The following SYNJ2 variants were observed in gnomAD, a reference collection of about 807,000 sequenced individuals.
SYNJ2 encodes the protein polyphosphatidylinositol phosphatase SYNJ2.
SYNJ2 carries 116 observed loss-of-function variants against 141.3 expected under a neutral mutation model. That is an observed-to-expected ratio of 0.82 (90% CI 0.71 to 0.96). The LOEUF (loss-of-function observed/expected upper bound fraction) is 0.96. SYNJ2 is among the 40% of genes least tolerant of loss of function. The pLI, the probability that SYNJ2 is intolerant of heterozygous loss-of-function variation, is 0.00. For missense variants in SYNJ2, 1,873 were observed against 1,934.8 expected (o/e 0.97, Z 0.60); for synonymous variants, 745 against 777.7 (o/e 0.96, Z 0.70).
At chr6:158,080,679 A>T (rs1484537006) in intron 18 of SYNJ2, among the ~76,000 whole-genome samples, 1 of 152,168 alleles carries the variant, frequency 6.6e-6, no homozygotes, top group African/African-American at 2.4e-5. Flanking sequence ...TAACCCTCTG[A>T]AAAGCTTGCA....
At position 158,066,608 on chromosome 6, in the gene SYNJ2, C is replaced by T. The variant is rs1781582351; in HGVS notation, c.1690C>T (p.Gln564Ter). Residue 564 changes from glutamine to a stop codon, truncating the protein, a stop_gained, in exon 12 of 27, where the codon CAG becomes TAG. Coordinates refer to ENST00000355585, the MANE Select transcript of SYNJ2 (RefSeq NM_003898.4). LOFTEE classifies it high-confidence loss of function. ...ELTDWLLDSP[Q>*]LSGATDSQDD... ...GACAGACTGGCTGCTCGACTCGCCCCAGCTCTCGGGAGCTACCGACTCCCA... is the reference window on the plus strand; with the variant it reads ...GACAGACTGGCTGCTCGACTCGCCCTAGCTCTCGGGAGCTACCGACTCCCA... 1.2e-6 allele frequency: 2 copies of T among 1,613,736 alleles called. No homozygotes were observed. Among genetic ancestry groups the T allele is most frequent in the African/African-American group, 1.3e-5 (1 of 74,920 alleles).
rs1779839404 is a variant in SYNJ2, at chr6:158,039,766, CAGGGAGCAACTTTG to C, written c.712-3546_712-3533del. Among the ~76,000 whole-genome samples the C allele has an allele frequency of 2.8e-5, 4 of 141,938 alleles. No individual in the cohort carries two copies. In the South Asian group the frequency reaches 9.4e-4, roughly 33 times the overall value. The allele number at this position is 141,938 out of a possible 152,430, so 93.1% of individuals were successfully genotyped here. A position where few individuals can be genotyped will look rare whatever the true frequency, so the allele number is the denominator to read the frequency against. On this transcript the variant is annotated intron_variant, in intron 4 of 26. Coordinates refer to ENST00000355585, the MANE Select transcript of SYNJ2 (RefSeq NM_003898.4). ...ATCTCGGTGGCCTCGCCCCAGGGTG[CAGGGAGCAACTTTG>C]AGGAAATTAGTGCTGAGCCTCCAGT... is the stretch of plus-strand genomic sequence containing the variant.
Position 158,083,575 on chromosome 6 carries a change from A to T in SYNJ2, c.3012A>T (p.Thr1004=), listed in dbSNP as rs771345550. Residue 1004 remains threonine, a synonymous_variant, in exon 21 of 27, where the codon ACA becomes ACT. Coordinates refer to ENST00000355585, the MANE Select transcript of SYNJ2 (RefSeq NM_003898.4). ...SCLLEENFDF[T]SLDYESEGDI... is the part of the protein sequence containing the mutation. ...TGCTGGAGGAAAACTTTGACTTCAC[A>T]AGTTTGGACTATGAGTCAGAAGGTT... is the stretch of plus-strand genomic sequence containing the variant. 8.7e-6 allele frequency: 14 copies of T among 1,614,044 alleles called. No homozygotes were observed. The East Asian group carries it at 2.9e-4, about 33-fold the overall frequency.
chr6:158,085,642 T>A (rs1782985398), intron 22 of SYNJ2, among the ~76,000 whole-genome samples: 1 of 152,230 alleles, frequency 6.6e-6, no homozygotes, highest in African/African-American at 2.4e-5. Flanking sequence ...GTCCCCACAC[T>A]GACCAATAAC....
At chr6:158,049,904 G>T (rs527307452) in intron 5 of SYNJ2, among the ~76,000 whole-genome samples, 2 of 152,212 alleles carry the variant, frequency 1.3e-5, no homozygotes, top group South Asian at 2.1e-4. Flanking sequence ...GGCTCTGCAG[G>T]TATGCATGTG....
intron 1 of SYNJ2, among the ~76,000 whole-genome samples, chr6:157,985,093 T>A (rs920700609): frequency 1.3e-5 from 2 of 152,228 alleles, no homozygotes; most frequent in African/African-American, 4.8e-5. Context: ...GGATCCTAAC[T>A]GGAAAAGTAC....
At position 158,043,228 on chromosome 6, in the gene SYNJ2, G is replaced by A. The variant is rs1780047933; in HGVS notation, c.712-88G>A. 7 of 1,173,874 alleles carry A rather than the reference G, an allele frequency of 6.0e-6. No homozygotes were observed. The highest frequency in any genetic ancestry group is 2.4e-5 in the East Asian group (1 of 41,828). 72.7% of individuals were successfully genotyped at this position (1,173,874 alleles called of 1,614,324 possible). On this transcript the variant is annotated intron_variant, in intron 4 of 26. Transcript: ENST00000355585. The surrounding 1 kb of genome is among the most constrained non-coding windows in gnomAD (Gnocchi z 4.0). Reference sequence around the variant, plus strand: ...CGCCCTTCATTCTGGCTGGTGTCGGGTCACAGGTGGCCGGATCCCGTTACC... The same window carrying A: ...CGCCCTTCATTCTGGCTGGTGTCGGATCACAGGTGGCCGGATCCCGTTACC...
intron 3 of SYNJ2, 153 bp downstream of exon 3, chr6:158,029,179 A>C: frequency 9.9e-7 from 1 of 1,012,932 alleles, no homozygotes; most frequent in Non-Finnish European, 1.4e-6. Flanking sequence ...TCTCAGCACA[A>C]TGAGAGGAAA....
At position 158,088,034 on chromosome 6, in the gene SYNJ2, ATTTTTTTTTTTTTTTTTTTTT is replaced by A. The variant is rs568222551; in HGVS notation, c.3344-602_3344-582del. On this transcript the variant is annotated intron_variant, in intron 23 of 26. Coordinates refer to ENST00000355585, the MANE Select transcript of SYNJ2 (RefSeq NM_003898.4). ...TAACAGTTTATTCCCCTGCTTTGGA[ATTTTTTTTTTTTTTTTTTTTT>A]TTTTTTTTTTTTTTTTTTTTTTTGA... Among the ~76,000 whole-genome samples, 242 of 31,862 alleles carry A rather than the reference ATTTTTTTTTTTTTTTTTTTTT, an allele frequency of 7.6e-3. 3 individuals are homozygous for A. Among genetic ancestry groups the A allele is most frequent in the Middle Eastern group, 0.021 (1 of 48 alleles). 20.9% of individuals were successfully genotyped at this position (31,862 alleles called of 152,430 possible). A position where few individuals can be genotyped will look rare whatever the true frequency, so the allele number is the denominator to read the frequency against.
intron 5 of SYNJ2, among the ~76,000 whole-genome samples, chr6:158,046,428 C>T (rs1780241092): frequency 6.6e-6 from 1 of 152,202 alleles, no homozygotes; most frequent in Non-Finnish European, 1.5e-5. Context: ...CTACCGTCAC[C>T]GGCTTCAACT....
chr6:158,083,562 A>C lies in SYNJ2; in HGVS notation c.2999A>C (p.Asn1000Thr). The change falls in exon 21 of 27, where the codon AAC becomes ACC. Residue 1000 changes from asparagine to threonine, a missense_variant. By Grantham distance (65) the Asn-to-Thr change is moderately conservative. Coordinates refer to ENST00000355585, the MANE Select transcript of SYNJ2 (RefSeq NM_003898.4). ...GCCAACTCCTGTTTGCTGGAGGAAAACTTTGACTTCACAAGTTTGGACTAT... is the reference window on the plus strand; with the variant it reads ...GCCAACTCCTGTTTGCTGGAGGAAACCTTTGACTTCACAAGTTTGGACTAT... The part of the protein sequence containing the change: ...PTANSCLLEE[N>T]FDFTSLDYES... 6.2e-7 allele frequency: 1 copy of C among 1,614,036 alleles called. No homozygotes were observed. Among genetic ancestry groups the C allele is most frequent in the Non-Finnish European group, 8.5e-7 (1 of 1,180,018 alleles).
chr6:158,028,467 C>G (rs1779175399), intron 2 of SYNJ2: 2 of 468,798 alleles, frequency 4.3e-6, no homozygotes, highest in Non-Finnish European at 7.7e-6. Flanking sequence ...TAAAGCAAAG[C>G]TTGCCCCCAG....
At chr6:158,039,006 A>C (rs1172224928) in intron 4 of SYNJ2, among the ~76,000 whole-genome samples, 1 of 152,220 alleles carries the variant, frequency 6.6e-6, no homozygotes, top group Non-Finnish European at 1.5e-5. Flanking sequence ...CCTCCAAGCC[A>C]AAAAACACAG....
chr6:158,042,440 C>T (rs1779997514), intron 4 of SYNJ2, among the ~76,000 whole-genome samples: 1 of 152,196 alleles, frequency 6.6e-6, no homozygotes, highest in Non-Finnish European at 1.5e-5. Flanking sequence ...GGGAGCAGGC[C>T]GGTGAGGAAC....
rs989892403 is a variant in SYNJ2 at position 158,071,294 on chromosome 6, C to T, written c.1941-308C>T. On this transcript the variant is annotated intron_variant, in intron 14 of 26. Transcript: ENST00000355585. This position sits in a 1 kb window ranked among gnomAD's most constrained non-coding sequence, Gnocchi z 4.3. ...GGCTGGTGGGTGGTGATGTTTGCGC[C>T]GCTCCTGGTGGCAGTGAGAACCTGG... Among the ~76,000 whole-genome samples, 4 of 152,196 alleles carry T rather than the reference C, an allele frequency of 2.6e-5. No individual in the cohort carries two copies. Among genetic ancestry groups the T allele is most frequent in the Admixed American group, 2.0e-4 (3 of 15,284 alleles).
chr6:158,031,948 T>C (rs1370618692), intron 3 of SYNJ2, among the ~76,000 whole-genome samples: 1 of 152,220 alleles, frequency 6.6e-6, no homozygotes, highest in Non-Finnish European at 1.5e-5. Context: ...TTCTGGAGGC[T>C]TTGCCTTGAT....
chr6:158,094,594 G>T (rs1413963975), intron 26 of SYNJ2, among the ~76,000 whole-genome samples: 1 of 152,174 alleles, frequency 6.6e-6, no homozygotes, highest in Non-Finnish European at 1.5e-5. Context: ...TAAAAGCCAG[G>T]AGCAGAAATA....
intron 1 of SYNJ2, among the ~76,000 whole-genome samples, chr6:157,988,927 A>G (rs1364871692): frequency 6.6e-6 from 1 of 152,184 alleles, no homozygotes; most frequent in African/African-American, 2.4e-5. Context: ...AGTCCATACG[A>G]AACAGCCCAG....
chr6:158,039,352 A>G (rs1028486729), intron 4 of SYNJ2, among the ~76,000 whole-genome samples: 1 of 152,222 alleles, frequency 6.6e-6, no homozygotes, highest in African/African-American at 2.4e-5. Flanking sequence ...ATGAGTCAGG[A>G]GAGTGGAGCA....
Sources: allele counts gnomAD v4.1 joint callset (sites outside exome capture counted in the v4.1 genomes callset), GRCh38; gene constraint gnomAD v4.1.1; non-coding constraint Gnocchi (gnomAD v3.1); transcripts MANE v1.5; gene names NCBI Gene and HGNC (gene_info 2026-07-23, HGNC 2026-07-21).